Variants in GNAT2 observed in about 807,000 individuals in gnomAD.
GNAT2 encodes guanine nucleotide-binding protein G(t) subunit alpha-2.
A neutral mutation model predicts 40.9 loss-of-function variants in GNAT2; 32 were observed. The ratio of observed to expected loss-of-function variants is 0.78; its 90% CI spans 0.59 to 1.05. The LOEUF is 1.05. Ranked by LOEUF, GNAT2 falls within the 50% of genes least tolerant of loss-of-function variation. The pLI, the probability that GNAT2 is intolerant of heterozygous loss-of-function variation, is 0.00. For missense variants in GNAT2, 355 were observed against 431.5 expected (o/e 0.82, Z 1.57); for synonymous variants, 141 against 157.2 (o/e 0.90, Z 0.77).
chr1:109,612,365 A>C, intron 2 of GNAT2: 1 of 306,440 alleles, frequency 3.3e-6, no homozygotes, highest in South Asian at 3.0e-5. Flanking sequence ...TTGGTGAGGG[A>C]AGGTCCTGTT....
At chr1:109,605,564 T>A (rs1314009953) in intron 7 of GNAT2, 2 of 315,678 alleles carry the variant, frequency 6.3e-6, no homozygotes, top group Non-Finnish European at 6.2e-6. Context: ...TATGTTGCAA[T>A]GAAGATTCAT....
At chr1:109,607,781 A>C (rs978035390) in intron 5 of GNAT2, 8 of 152,306 alleles carry the variant, frequency 5.3e-5, no homozygotes, top group Middle Eastern at 6.8e-3. Context: ...CAGTTTTTCC[A>C]TGTGTAAAAT....
chr1:109,603,657 G>T, intron 8 of GNAT2, 113 bp from the exon 9 acceptor site: 2 of 777,986 alleles, frequency 2.6e-6, no homozygotes, highest in Admixed American at 1.9e-5. Flanking sequence ...ACAGCAGTTG[G>T]GGGCCTATTT....
chr1:109,605,355 C>T (rs1649559849), intron 7 of GNAT2: 1 of 154,848 alleles, frequency 6.5e-6, no homozygotes, highest in Non-Finnish European at 1.4e-5. Context: ...AATTCAGAAA[C>T]TGGCTGGGCT....
In GNAT2 at chr1:109,618,922, TG is replaced by T. The variant is rs573136765; in HGVS notation, c.-54+560del. ...TTGGGAAGGATCTCTGCTGTGGGAG[TG>T]GTAAGAACTGGGAGGAGCCAGACAA... On this transcript the variant is annotated intron_variant, in intron 1 of 8. Transcript: ENST00000679935. 5.6e-4 allele frequency among the ~76,000 whole-genome samples: 85 copies of T among 151,646 alleles called. 1 individual carries two copies. The highest frequency in any genetic ancestry group is 6.8e-3 in the Middle Eastern group (2 of 294).
rs1649489873 is a variant in GNAT2 at position 109,603,344 on chromosome 1, A to T, written c.*10T>A. The T allele has an allele frequency of 6.8e-7, 1 of 1,475,894 alleles. No homozygotes were observed. Among genetic ancestry groups the T allele is most frequent in the Non-Finnish European group, 9.5e-7 (1 of 1,054,754 alleles). The allele number at this position is 1,475,894 out of a possible 1,614,324, so 91.4% of individuals were successfully genotyped here. ...TGTTTATAGAACTTATACCTGAGGA[A>T]TGGTGAGGATTAGAAGAGGCCGCAG... On this transcript the variant is annotated 3_prime_UTR_variant, in exon 9 of 9. Transcript: ENST00000679935.
intron 1 of GNAT2, chr1:109,615,269 C>G (rs1649917775): frequency 6.6e-6 from 1 of 152,164 alleles, no homozygotes; most frequent in Non-Finnish European, 1.5e-5. Context: ...CTTTGGGAGG[C>G]TGAGGTGGGT....
chr1:109,612,509 A>AGAAAAACTC (rs2101130363), intron 2 of GNAT2: 1 of 510,684 alleles, frequency 2.0e-6, no homozygotes, highest in African/African-American at 1.9e-5. Context: ...CCCTTGCACT[A>AGAAAAACTC]TTCCTCGCTC....
At chr1:109,614,702 G>A (rs1314876566) in intron 1 of GNAT2, 2 of 152,260 alleles carry the variant, frequency 1.3e-5, no homozygotes, top group African/African-American at 2.4e-5. Flanking sequence ...GCAGTGGCCA[G>A]TTGGGACTGG....
chr1:109,609,673 C>T (rs1649731301), intron 4 of GNAT2: 1 of 348,056 alleles, frequency 2.9e-6, no homozygotes, highest in Non-Finnish European at 5.6e-6. Flanking sequence ...TCCAGGACTG[C>T]ATAATTGTGG....
intron 2 of GNAT2, chr1:109,612,433 G>T: frequency 2.6e-6 from 1 of 377,576 alleles, no homozygotes. Context: ...TGCAAGTCCA[G>T]GGTCCTTGAA....
intron 1 of GNAT2, among the ~76,000 whole-genome samples, chr1:109,618,971 T>G (rs1557923835): frequency 6.6e-6 from 1 of 152,144 alleles, no homozygotes; most frequent in Non-Finnish European, 1.5e-5. Flanking sequence ...CAACTGGGTG[T>G]GGGGGGCAAA....
At chr1:109,603,849 G>T in intron 8 of GNAT2, 102 bp downstream of exon 8, 4 of 893,206 alleles carry the variant, frequency 4.5e-6, no homozygotes, top group Admixed American at 1.7e-5. Context: ...TGTGCCCAAG[G>T]TTCTCCCTTA....
chr1:109,609,048 T>C (rs2101127151), intron 4 of GNAT2: 1 of 521,082 alleles, frequency 1.9e-6, no homozygotes, highest in Admixed American at 3.2e-5. Context: ...CTCTGGAGTT[T>C]CTGGCTTCCA....
At chr1:109,605,694 A>G in intron 7 of GNAT2, 1 of 419,226 alleles carries the variant, frequency 2.4e-6, no homozygotes, top group South Asian at 2.1e-5. Flanking sequence ...TTTGCACTCA[A>G]TTCCTCTTAT....
rs1649482987 is a variant in GNAT2, at chr1:109,603,111, A to G, written c.*243T>C. On this transcript the variant is annotated 3_prime_UTR_variant, in exon 9 of 9. Transcript: ENST00000679935. ...AGAAATAAAGTATTCACAGTTTTGT[A>G]TTAAGTTGGAAAACCAGTACTGGAA... 4 of 559,372 alleles carry G rather than the reference A, an allele frequency of 7.2e-6. No individual in the cohort carries two copies. The highest frequency in any genetic ancestry group is 1.3e-5 in the Non-Finnish European group (4 of 313,974). The allele number at this position is 559,372 out of a possible 1,614,324, so 34.7% of individuals were successfully genotyped here.
In GNAT2 at chr1:109,608,803, C is replaced by T; in HGVS notation, c.304-15G>A. ...CGCCCGTCATCCTGTAATGCAGAAA[C>T]CTGGTTAAGAACTTCACAGGAGTAA... On this transcript the variant is annotated splice_polypyrimidine_tract_variant and intron_variant, in intron 4 of 8. Coordinates refer to ENST00000679935, the MANE Select transcript of GNAT2 (RefSeq NM_001377295.2). 1 of 1,611,914 alleles carries T rather than the reference C, an allele frequency of 6.2e-7. No homozygotes were observed. The highest frequency in any genetic ancestry group is 8.5e-7 in the Non-Finnish European group (1 of 1,178,008).
chr1:109,606,792 A>C, intron 5 of GNAT2: 2 of 318,116 alleles, frequency 6.3e-6, no homozygotes, highest in South Asian at 5.6e-5. Context: ...GACTTTAAAG[A>C]CATGAACCAA....
intron 6 of GNAT2, 71 bp from the exon 7 acceptor site, chr1:109,606,170 G>A (rs1294613056): frequency 2.5e-6 from 4 of 1,586,450 alleles, no homozygotes; most frequent in Admixed American, 1.7e-5. Flanking sequence ...TGGTCACCCC[G>A]TGAAGTGGGA....
Sources: allele counts gnomAD v4.1 joint callset (sites outside exome capture counted in the v4.1 genomes callset), GRCh38; gene constraint gnomAD v4.1.1; transcripts MANE v1.5; gene names NCBI Gene and HGNC (gene_info 2026-07-23, HGNC 2026-07-21).